FSHR: variants seen among roughly 807,000 people sequenced by gnomAD.
FSHR encodes the protein follicle-stimulating hormone receptor.
A neutral mutation model predicts 52.1 loss-of-function variants in FSHR; 46 were observed. The ratio of observed to expected loss-of-function variants is 0.88; its 90% CI spans 0.70 to 1.13. The LOEUF is 1.13. Ranked by LOEUF, FSHR falls within the 50% of genes most tolerant of loss-of-function variation. FSHR has a pLI of 0.00. For missense variants in FSHR, 964 were observed against 834.6 expected, an observed-to-expected ratio of 1.16 and a Z score of -1.91; for synonymous variants, 399 against 309.6, an observed-to-expected ratio of 1.29 and a Z score of -3.03.
chr2:49,075,432 A>T (rs1270853335), intron 1 of FSHR, among the ~76,000 whole-genome samples: 3 of 148,136 alleles, frequency 2.0e-5, no homozygotes, highest in African/African-American at 7.4e-5. Flanking sequence ...TTCATTAAAA[A>T]TAACAATAAA....
At chr2:49,045,791 G>A (rs774475153) in intron 2 of FSHR, among the ~76,000 whole-genome samples, 24 of 152,148 alleles carry the variant, frequency 1.6e-4, no homozygotes, top group Non-Finnish European at 2.6e-4. Context: ...AGTGCTCAAC[G>A]CTGAGTGGGA....
Position 48,982,879 on chromosome 2 carries a change from C to T in FSHR, c.668+33G>A, listed in dbSNP as rs374230028. On this transcript the variant is annotated intron_variant, in intron 8 of 9. Transcript: ENST00000406846. ...TGACTTCTAACTTACACAAACTGAG[C>T]TCTTACACACAGAAATGGGGAAAGC... 5.1e-6 allele frequency: 8 copies of T among 1,560,354 alleles called. No individual in the cohort carries two copies. The Admixed American group carries it at 1.2e-4, about 23-fold the overall frequency.
At chr2:49,077,956 C>A (rs1164884739) in intron 1 of FSHR, among the ~76,000 whole-genome samples, 1 of 152,190 alleles carries the variant, frequency 6.6e-6, no homozygotes, top group Non-Finnish European at 1.5e-5. Context: ...TTAGGAAGTT[C>A]CAAACTTTCC....
At chr2:49,060,563 A>G (rs1234900765) in intron 2 of FSHR, among the ~76,000 whole-genome samples, 1 of 152,152 alleles carries the variant, frequency 6.6e-6, no homozygotes, top group East Asian at 1.9e-4. Context: ...CACATCCCAC[A>G]GGCCTGAGCT....
At chr2:49,031,770 C>A (rs1282270723) in intron 2 of FSHR, among the ~76,000 whole-genome samples, 1 of 152,102 alleles carries the variant, frequency 6.6e-6, no homozygotes, top group Non-Finnish European at 1.5e-5. Context: ...CCTCTCTGAG[C>A]CTCGGTTTTC....
At chr2:48,967,516 C>T (rs541431655) in intron 9 of FSHR, among the ~76,000 whole-genome samples, 1 of 152,284 alleles carries the variant, frequency 6.6e-6, no homozygotes, top group African/African-American at 2.4e-5. Context: ...AAGAGGCAAG[C>T]CACTGCTTCA....
In FSHR at chr2:49,020,083, TACA is replaced by T; in HGVS notation, c.299_299+2del. The T allele has an allele frequency of 6.2e-7, 1 of 1,612,886 alleles. No individual in the cohort carries two copies. The highest frequency in any genetic ancestry group is 8.5e-7 in the Non-Finnish European group (1 of 1,178,878). On this transcript the variant is annotated splice_donor_variant and coding_sequence_variant, in exon 3 of 10. Coordinates refer to ENST00000406846, the MANE Select transcript of FSHR (RefSeq NM_000145.4). LOFTEE classifies it high-confidence loss of function. ...GAGCAAATCCCCCAATCTTCTTGCT[TACA>T]TTTCATGTAATTTGGGAAGGTTGGA...
intron 2 of FSHR, among the ~76,000 whole-genome samples, chr2:49,053,664 C>T (rs1271728338): frequency 1.3e-5 from 2 of 152,032 alleles, no homozygotes; most frequent in Admixed American, 6.6e-5. Flanking sequence ...ATTTCTAATG[C>T]ACAAACTTCT....
chr2:48,988,875 G>T (rs939395105), intron 6 of FSHR, 102 bp downstream of exon 6: 29 of 927,980 alleles, frequency 3.1e-5, no homozygotes, highest in Admixed American at 2.5e-4. Flanking sequence ...GTGGAGAAAT[G>T]CCAAAGTTAC....
intron 1 of FSHR, among the ~76,000 whole-genome samples, chr2:49,127,873 TCTTCTTCTTCTTCTTCTTCTTC>T (rs1558456963): frequency 2.0e-4 from 9 of 45,346 alleles, no homozygotes; most frequent in African/African-American, 3.2e-4. Context: ...TTCTTCTTCT[TCTTCTTCTTCTTCTTCTTCTTC>T]TTCTTTTTTT....
intron 1 of FSHR, among the ~76,000 whole-genome samples, chr2:49,126,105 G>A (rs1258613128): frequency 6.6e-6 from 1 of 152,200 alleles, no homozygotes; most frequent in East Asian, 1.9e-4. Context: ...CCGTGGAATG[G>A]TAAGTTGGGA....
chr2:49,059,755 A>C (rs1233353714), intron 2 of FSHR: 1 of 152,236 alleles, frequency 6.6e-6, no homozygotes, highest in Non-Finnish European at 1.5e-5. Flanking sequence ...AAAAATGATA[A>C]AACTGCAAGA....
chr2:49,100,747 C>A (rs1670997173), intron 1 of FSHR, among the ~76,000 whole-genome samples: 1 of 152,198 alleles, frequency 6.6e-6, no homozygotes, highest in Admixed American at 6.6e-5. Context: ...GTAGCACTAT[C>A]AATCTAAATC....
chr2:49,119,489 T>A (rs1382697614), intron 1 of FSHR, among the ~76,000 whole-genome samples: 1 of 152,168 alleles, frequency 6.6e-6, no homozygotes, highest in Non-Finnish European at 1.5e-5. Context: ...TTTAAGCCCA[T>A]CAATTCAATT....
intron 3 of FSHR, among the ~76,000 whole-genome samples, chr2:49,017,943 C>A (rs548379817): frequency 1.3e-5 from 2 of 150,456 alleles, no homozygotes; most frequent in South Asian, 2.1e-4. Context: ...ACTAATATGG[C>A]GAAATGAGTG....
chr2:49,037,834 A>G (rs1403847221), intron 2 of FSHR, among the ~76,000 whole-genome samples: 1 of 152,222 alleles, frequency 6.6e-6, no homozygotes, highest in African/African-American at 2.4e-5. Context: ...GGAAATCCAG[A>G]AAGAGAAAAT....
In FSHR at chr2:49,087,078, T is replaced by TG. The variant is rs577571524; in HGVS notation, c.153-18789_153-18788insC. 8.9e-3 allele frequency among the ~76,000 whole-genome samples: 1,279 copies of TG among 144,284 alleles called. 32 individuals are homozygous for TG. Among genetic ancestry groups the TG allele is most frequent in the African/African-American group, 0.031 (1,212 of 39,040 alleles). 94.7% of individuals were successfully genotyped at this position (144,284 alleles called of 152,430 possible). A position where few individuals can be genotyped will look rare whatever the true frequency, so the allele number is the denominator to read the frequency against. On this transcript the variant is annotated intron_variant, in intron 1 of 9. Transcript: ENST00000406846. The stretch of plus-strand genomic sequence containing the variant: ...GGGACCCTGTGGGCAGGGTTTTTTT[T>TG]TTTTTTTTTTTTTTTTTTTTACAAA...
chr2:49,044,249 A>T (rs1572672719), intron 2 of FSHR, among the ~76,000 whole-genome samples: 1 of 152,324 alleles, frequency 6.6e-6, no homozygotes, highest in East Asian at 1.9e-4. Flanking sequence ...ATATAAAGTC[A>T]TAAACAGCTG....
intron 8 of FSHR, among the ~76,000 whole-genome samples, chr2:48,981,875 T>A (rs1675262531): frequency 6.6e-6 from 1 of 152,140 alleles, no homozygotes; most frequent in East Asian, 1.9e-4. Flanking sequence ...AATAAGAGGT[T>A]CAGGCAGGTG....
Sources: gnomAD v4.1 joint callset for allele counts (sites outside exome capture counted in the v4.1 genomes callset) on GRCh38, gnomAD v4.1.1 for gene constraint, MANE v1.5 for transcripts, NCBI Gene and HGNC (gene_info 2026-07-23, HGNC 2026-07-21) for gene names.